The following VAV3 variants were observed in gnomAD, a reference collection of about 807,000 sequenced individuals.
VAV3 encodes guanine nucleotide exchange factor VAV3.
In VAV3, 94 loss-of-function variants were observed where a neutral mutation model predicts 131.2. The observed-to-expected ratio is 0.72, with a 90% CI of 0.61 to 0.85. VAV3 has a LOEUF of 0.85. VAV3 is among the 40% of genes least tolerant of loss of function. The pLI is 0.00. For missense variants in VAV3, 939 were observed against 1,002.7 expected (o/e 0.94, Z 0.86); for synonymous variants, 349 against 342.0 (o/e 1.02, Z -0.22).
intron 1 of VAV3, 44 bp downstream of exon 1, chr1:107,964,622 G>T: frequency 6.3e-7 from 1 of 1,590,096 alleles, no homozygotes; most frequent in Non-Finnish European, 8.6e-7. Context: ...ATGATTAATG[G>T]GAGCTGCCGG....
At chr1:107,669,181 T>A in intron 19 of VAV3, 2 of 1,117,254 alleles carry the variant, frequency 1.8e-6, no homozygotes, top group Non-Finnish European at 2.2e-6. Flanking sequence ...CTCCTGCTAT[T>A]CCACTCTGCT....
rs868809842 is a variant in VAV3, at chr1:107,902,414, C to T, written c.205-27397G>A. Among the ~76,000 whole-genome samples, 7 of 152,074 alleles carry T rather than the reference C, an allele frequency of 4.6e-5. No homozygotes were observed. The South Asian group carries it at 1.2e-3, about 27-fold the overall frequency. On this transcript the variant is annotated intron_variant, in intron 1 of 26. Transcript: ENST00000370056. ...GTCATTTGTCTACATATGATGATTG[C>T]TTTGTAAGCAATTATATAATGTTTC...
chr1:107,764,818 T>C (rs191998566), intron 9 of VAV3, among the ~76,000 whole-genome samples: 13 of 152,310 alleles, frequency 8.5e-5, no homozygotes, highest in Admixed American at 6.5e-4. Context: ...AGAAAATTAA[T>C]TGTACCTATT....
At chr1:107,934,241 CA>C (rs911425800) in intron 1 of VAV3, among the ~76,000 whole-genome samples, 3 of 152,084 alleles carry the variant, frequency 2.0e-5, no homozygotes, top group African/African-American at 7.2e-5. Flanking sequence ...GAAAATATTG[CA>C]AAACCCAAGA....
chr1:107,853,308 G>T (rs1452354862), intron 2 of VAV3, among the ~76,000 whole-genome samples: 1 of 152,026 alleles, frequency 6.6e-6, no homozygotes, highest in East Asian at 1.9e-4. Flanking sequence ...ATGGAGCTGG[G>T]AATATTAAAT....
In VAV3 at chr1:107,875,009, A is replaced by G. The variant is rs754690142; in HGVS notation, c.213T>C (p.Cys71=). ...TGAGAAATGTCCTTATGTTCTTCAA[A>G]CAGAGAAACTGAGGAATGGAAAAGA... The part of the protein sequence containing the change: ...NLRPQMSQFL[C]LKNIRTFLTA... Residue 71 remains cysteine, a synonymous_variant, in exon 2 of 27, where the codon TGT becomes TGC. Coordinates refer to ENST00000370056, the MANE Select transcript of VAV3 (RefSeq NM_006113.5). 1 of 1,612,800 alleles carries G rather than the reference A, an allele frequency of 6.2e-7. No homozygotes were observed. The highest frequency in any genetic ancestry group is 1.1e-5 in the South Asian group (1 of 91,040).
At chr1:107,679,844 T>G (rs17539492) in intron 19 of VAV3, among the ~76,000 whole-genome samples, 16,912 of 152,270 alleles carry the variant, frequency 0.11, 1,253 homozygotes, top group Middle Eastern at 0.2. Flanking sequence ...GTTATTTTCC[T>G]GATACCAACA....
At chr1:107,797,501 G>C (rs948286165) in intron 2 of VAV3, among the ~76,000 whole-genome samples, 1 of 152,136 alleles carries the variant, frequency 6.6e-6, no homozygotes, top group African/African-American at 2.4e-5. Context: ...ACTACAAACA[G>C]GTATTCATAG....
intron 2 of VAV3, chr1:107,785,490 G>T: frequency 7.6e-7 from 1 of 1,322,652 alleles, no homozygotes; most frequent in Non-Finnish European, 9.9e-7. Context: ...CAATCAGGCA[G>T]CTGCATGCTA....
In VAV3 at chr1:107,705,070, A is replaced by C; in HGVS notation, c.1503-9T>G. 6.3e-7 allele frequency: 1 copy of C among 1,595,124 alleles called. No homozygotes were observed. Among genetic ancestry groups the C allele is most frequent in the Non-Finnish European group, 8.6e-7 (1 of 1,165,342 alleles). On this transcript the variant is annotated splice_polypyrimidine_tract_variant and intron_variant, in intron 15 of 26. Coordinates refer to ENST00000370056, the MANE Select transcript of VAV3 (RefSeq NM_006113.5). Reference sequence around the variant, plus strand: ...CTGGTCTTATGTTAGACCTAAAAAAAGGAAAAAAATAACTTTCTATAGAAA... The same window carrying C: ...CTGGTCTTATGTTAGACCTAAAAAACGGAAAAAAATAACTTTCTATAGAAA...
intron 1 of VAV3, 68 bp from the exon 2 acceptor site, chr1:107,875,085 C>G: frequency 8.0e-7 from 1 of 1,254,828 alleles, no homozygotes; most frequent in Non-Finnish European, 1.1e-6. Context: ...CTCTGTAACA[C>G]TCAAGACTGC....
At chr1:107,680,868 G>C (rs1331812789) in intron 19 of VAV3, among the ~76,000 whole-genome samples, 1 of 152,140 alleles carries the variant, frequency 6.6e-6, no homozygotes, top group African/African-American at 2.4e-5. Flanking sequence ...CCCAAGCCCA[G>C]GCAACATGGC....
At chr1:107,715,956 G>A (rs557457576) in intron 15 of VAV3, among the ~76,000 whole-genome samples, 5 of 152,100 alleles carry the variant, frequency 3.3e-5, no homozygotes, top group Non-Finnish European at 7.4e-5. Flanking sequence ...AGAAGCATAC[G>A]GAGATGGAGA....
At position 107,766,842 on chromosome 1, in the gene VAV3, G is replaced by T. The variant is rs138238020; in HGVS notation, c.718-292C>A. 1.1e-3 allele frequency among the ~76,000 whole-genome samples: 173 copies of T among 151,850 alleles called. 1 individual carries two copies. The East Asian group carries it at 0.031, about 27-fold the overall frequency. On this transcript the variant is annotated intron_variant, in intron 7 of 26. Transcript: ENST00000370056. ...AGGGGAAGGCAGAGGAGAGGGAGGA[G>T]AAGAGAAGGAGACAGGCCATGCAGA...
intron 2 of VAV3, among the ~76,000 whole-genome samples, chr1:107,828,126 T>G (rs1668092502): frequency 6.6e-6 from 1 of 152,166 alleles, no homozygotes; most frequent in Non-Finnish European, 1.5e-5. Flanking sequence ...CACAGCGAGA[T>G]TCATTCTGGC....
At chr1:107,939,610 C>A (rs1342526579) in intron 1 of VAV3, among the ~76,000 whole-genome samples, 8 of 152,250 alleles carry the variant, frequency 5.3e-5, no homozygotes, top group Admixed American at 5.2e-4. Context: ...TCTTGACTTA[C>A]AATGCTTTTA....
intron 2 of VAV3, among the ~76,000 whole-genome samples, chr1:107,865,978 G>T (rs1383135587): frequency 3.3e-5 from 5 of 152,128 alleles, no homozygotes; most frequent in African/African-American, 1.2e-4. Context: ...AAGGGAAAAA[G>T]TCTCAGATAG....
At chr1:107,904,368 C>T (rs1462911098) in intron 1 of VAV3, among the ~76,000 whole-genome samples, 1 of 152,214 alleles carries the variant, frequency 6.6e-6, no homozygotes, top group African/African-American at 2.4e-5. Flanking sequence ...ATGATGTCTT[C>T]ATTTCCTTGG....
chr1:107,664,487 A>C (rs12563464), intron 19 of VAV3, among the ~76,000 whole-genome samples: 36,285 of 152,016 alleles, frequency 0.24, 5,549 homozygotes, highest in East Asian at 0.46. Context: ...AAAGTATAAG[A>C]AGCAGCAGCA....
Sources: gnomAD v4.1 joint callset for allele counts (sites outside exome capture counted in the v4.1 genomes callset) on GRCh38, gnomAD v4.1.1 for gene constraint, MANE v1.5 for transcripts, NCBI Gene and HGNC (gene_info 2026-07-23, HGNC 2026-07-21) for gene names.